DISP1: variants seen among roughly 807,000 people sequenced by gnomAD.
DISP1 encodes dispatched RND transporter family member 1.
In DISP1, 30 loss-of-function variants were observed where a neutral mutation model predicts 37.3. That is an observed-to-expected ratio of 0.80 (90% CI 0.60 to 1.09). The LOEUF is 1.09. DISP1 is among the 50% of genes least tolerant of loss of function. The pLI is 0.00. For missense variants in DISP1, 1,598 were observed against 1,879.5 expected (o/e 0.85, Z 2.77); for synonymous variants, 634 against 690.2 (o/e 0.92, Z 1.28).
intron 1 of DISP1, among the ~76,000 whole-genome samples, chr1:222,842,053 GTGT>G (rs975295644): frequency 3.3e-5 from 5 of 152,092 alleles, no homozygotes; most frequent in African/African-American, 1.2e-4. Flanking sequence ...AGGAACTGGA[GTGT>G]TTCTGTTCCT....
At chr1:222,866,050 A>G (rs1443126242) in intron 1 of DISP1, among the ~76,000 whole-genome samples, 3 of 152,134 alleles carry the variant, frequency 2.0e-5, no homozygotes, top group Non-Finnish European at 1.5e-5. Context: ...ACTGAGGGTC[A>G]GTGTTGACCT....
chr1:222,878,552 A>G (rs1670097917), intron 1 of DISP1, among the ~76,000 whole-genome samples: 1 of 152,192 alleles, frequency 6.6e-6, no homozygotes, highest in African/African-American at 2.4e-5. Context: ...GATGAATTAA[A>G]TACTTGTTGA....
chr1:222,954,114 ATGTT>A (rs1036871873), intron 3 of DISP1, among the ~76,000 whole-genome samples: 1 of 152,122 alleles, frequency 6.6e-6, no homozygotes, highest in Non-Finnish European at 1.5e-5. Context: ...AGGTTGTAAA[ATGTT>A]TGGGAAACAG....
At chr1:222,954,623 C>G (rs1006773715) in intron 3 of DISP1, among the ~76,000 whole-genome samples, 1 of 152,042 alleles carries the variant, frequency 6.6e-6, no homozygotes, top group Non-Finnish European at 1.5e-5. Context: ...ATGCCAAAAT[C>G]AGGGTTTAGA....
At chr1:222,922,739 A>T (rs1219475161) in intron 1 of DISP1, among the ~76,000 whole-genome samples, 1 of 152,150 alleles carries the variant, frequency 6.6e-6, no homozygotes, top group African/African-American at 2.4e-5. Context: ...TTGGAGTGTG[A>T]CAATATAGGC....
Position 222,990,713 on chromosome 1 carries a change from G to C in DISP1, c.628G>C (p.Val210Leu). 1 of 1,614,156 alleles carries C rather than the reference G, an allele frequency of 6.2e-7. No individual in the cohort carries two copies. The highest frequency in any genetic ancestry group is 1.1e-5 in the South Asian group (1 of 91,084). Residue 210 changes from valine (V) to leucine (L), a missense_variant, in exon 5 of 9, where the codon GTG (valine) becomes CTG (leucine). By Grantham distance (32) the Val-to-Leu change is conservative (BLOSUM62 1). Coordinates refer to ENST00000675850, the MANE Select transcript of DISP1 (RefSeq NM_001377229.1). ...IVVCALVGVL[V>L]PELPDFSDPL... ...AGTCTGTGCCTTGGTTGGAGTATTAGTGCCAGAGCTCCCTGACTTCTCTGA... is the reference window on the plus strand; with the variant it reads ...AGTCTGTGCCTTGGTTGGAGTATTACTGCCAGAGCTCCCTGACTTCTCTGA...
chr1:222,934,916 A>G (rs1406721080), intron 2 of DISP1, among the ~76,000 whole-genome samples: 1 of 152,180 alleles, frequency 6.6e-6, no homozygotes, highest in Non-Finnish European at 1.5e-5. Context: ...TAAATGTGTT[A>G]CATTTCTTTG....
intron 3 of DISP1, among the ~76,000 whole-genome samples, chr1:222,966,179 A>G (rs1432544440): frequency 3.9e-5 from 6 of 152,232 alleles, no homozygotes; most frequent in Non-Finnish European, 8.8e-5. Flanking sequence ...TTAAGTAAGT[A>G]TACCCACTTA....
chr1:222,851,121 C>T (rs958429121), intron 1 of DISP1, among the ~76,000 whole-genome samples: 1 of 144,254 alleles, frequency 6.9e-6, no homozygotes, highest in African/African-American at 2.6e-5. Flanking sequence ...GGCTGAAGTG[C>T]AATGGCACAA....
chr1:222,962,880 A>G (rs1235586228), intron 3 of DISP1, among the ~76,000 whole-genome samples: 1 of 152,260 alleles, frequency 6.6e-6, no homozygotes, highest in Admixed American at 6.5e-5. Flanking sequence ...CAAAGACTTC[A>G]TGATGAAAAT....
intron 1 of DISP1, among the ~76,000 whole-genome samples, chr1:222,879,981 G>A (rs1324672496): frequency 2.0e-5 from 3 of 151,756 alleles, no homozygotes; most frequent in Non-Finnish European, 4.4e-5. Context: ...GACTCTTGAG[G>A]AAATAACAAG....
At chr1:222,867,169 A>T (rs1669241376) in intron 1 of DISP1, among the ~76,000 whole-genome samples, 1 of 152,168 alleles carries the variant, frequency 6.6e-6, no homozygotes, top group South Asian at 2.1e-4. Context: ...GAAGAAACTT[A>T]ATCTAGAGAC....
At chr1:222,865,397 C>G (rs1669126241) in intron 1 of DISP1, among the ~76,000 whole-genome samples, 1 of 151,904 alleles carries the variant, frequency 6.6e-6, no homozygotes, top group African/African-American at 2.4e-5. Context: ...CATCTTTAGC[C>G]CTGTATAGAA....
At chr1:222,991,459 A>G (rs1678687268) in intron 5 of DISP1, 61 bp from the exon 6 acceptor site, 2 of 1,606,816 alleles carry the variant, frequency 1.2e-6, no homozygotes, top group Non-Finnish European at 1.7e-6. Flanking sequence ...CCAAGCTTTT[A>G]TTGTAACTGT....
chr1:222,983,205 T>G (rs1677967012), intron 4 of DISP1, 96 bp downstream of exon 4: 1 of 959,472 alleles, frequency 1.0e-6, no homozygotes, highest in Non-Finnish European at 1.7e-6. Context: ...CTTTTCACTT[T>G]CCTCATTCAT....
chr1:222,866,902 A>T (rs184989917), intron 1 of DISP1, among the ~76,000 whole-genome samples: 1 of 152,350 alleles, frequency 6.6e-6, no homozygotes, highest in East Asian at 1.9e-4. Flanking sequence ...TTTAAAAGAC[A>T]CATAGTAAAA....
At chr1:222,868,843 CATA>C (rs1032636925) in intron 1 of DISP1, among the ~76,000 whole-genome samples, 1 of 152,072 alleles carries the variant, frequency 6.6e-6, no homozygotes, top group African/African-American at 2.4e-5. Flanking sequence ...TCTTGATTCA[CATA>C]ATGTTAAAAA....
intron 3 of DISP1, among the ~76,000 whole-genome samples, chr1:222,963,615 G>C (rs913467593): frequency 2.6e-5 from 4 of 152,164 alleles, no homozygotes; most frequent in Non-Finnish European, 4.4e-5. Context: ...GTCCTTTGCA[G>C]AGACATGGAT....
At chr1:222,890,731 G>A (rs1670892774) in intron 1 of DISP1, among the ~76,000 whole-genome samples, 1 of 152,114 alleles carries the variant, frequency 6.6e-6, no homozygotes, top group Non-Finnish European at 1.5e-5. Context: ...CAATATGTAG[G>A]CTGGGTTGGT....
Sources: allele counts gnomAD v4.1 joint callset (sites outside exome capture counted in the v4.1 genomes callset), GRCh38; gene constraint gnomAD v4.1.1; transcripts MANE v1.5; gene names NCBI Gene and HGNC (gene_info 2026-07-23, HGNC 2026-07-21).